The following PTCHD4 variants were observed in gnomAD, a reference collection of about 807,000 sequenced individuals.
PTCHD4 encodes the protein patched domain containing 4, also known as patched domain-containing protein 4.
Under a neutral mutation model 58.1 loss-of-function variants are expected in PTCHD4, and 33 were observed. That is an observed-to-expected ratio of 0.57 (90% CI 0.43 to 0.76). The LOEUF (loss-of-function observed/expected upper bound fraction) is 0.76. Ranked by LOEUF, PTCHD4 falls within the 30% of genes least tolerant of loss-of-function variation. The pLI is 0.00. For missense variants in PTCHD4, 1,058 were observed against 1,027.1 expected (o/e 1.03, Z -0.41); for synonymous variants, 478 against 409.6 (o/e 1.17, Z -2.02).
At chr6:48,040,727 T>C (rs1462193227) in intron 3 of PTCHD4, among the ~76,000 whole-genome samples, 1 of 152,096 alleles carries the variant, frequency 6.6e-6, no homozygotes, top group Non-Finnish European at 1.5e-5. Flanking sequence ...ATGGATACTA[T>C]TAGTATTCAC....
rs1763814803 is a variant in PTCHD4, at chr6:47,875,135, A to G, written c.*3168T>C. Among the ~76,000 whole-genome samples, 1 of 151,928 alleles carries G rather than the reference A, an allele frequency of 6.6e-6. No homozygotes were observed. Among genetic ancestry groups the G allele is most frequent in the Non-Finnish European group, 1.5e-5 (1 of 67,904 alleles). The stretch of plus-strand genomic sequence containing the variant: ...TTAAGGGCATATATGTTTCAATTAA[A>G]TAAAATATTACACAAAGCTAACATA... On this transcript the variant is annotated 3_prime_UTR_variant, in exon 5 of 5. Transcript: ENST00000339488.
At chr6:47,960,158 A>C (rs567799629) in intron 4 of PTCHD4, among the ~76,000 whole-genome samples, 1 of 152,280 alleles carries the variant, frequency 6.6e-6, no homozygotes, top group South Asian at 2.1e-4. Flanking sequence ...AGACTGATAA[A>C]GAGTTATGCT....
intron 3 of PTCHD4, among the ~76,000 whole-genome samples, chr6:48,023,053 T>C (rs1023371027): frequency 6.6e-6 from 1 of 152,140 alleles, no homozygotes; most frequent in African/African-American, 2.4e-5. Flanking sequence ...AGCAAGGAAA[T>C]AAGTCAGCAG....
At chr6:47,937,652 G>GT (rs538274554) in intron 4 of PTCHD4, among the ~76,000 whole-genome samples, 2 of 152,162 alleles carry the variant, frequency 1.3e-5, no homozygotes, top group Non-Finnish European at 2.9e-5. Flanking sequence ...TACCTTTGGA[G>GT]TTGTCAGCAT....
chr6:48,061,394 C>T (rs529026487), intron 3 of PTCHD4, among the ~76,000 whole-genome samples: 75 of 152,276 alleles, frequency 4.9e-4, no homozygotes, highest in African/African-American at 1.6e-3. Context: ...TCCATGATAA[C>T]ACCATGATAA....
At chr6:47,927,758 T>A (rs372676629) in intron 4 of PTCHD4, among the ~76,000 whole-genome samples, 70 of 151,896 alleles carry the variant, frequency 4.6e-4, no homozygotes, top group East Asian at 1.4e-3. Flanking sequence ...GTCAATGGTT[T>A]TTTATTTATT....
At chr6:48,088,013 T>A (rs773058677) in intron 1 of PTCHD4, among the ~76,000 whole-genome samples, 11 of 152,126 alleles carry the variant, frequency 7.2e-5, no homozygotes, top group Non-Finnish European at 1.5e-4. Context: ...TTGGCTGCAG[T>A]AAAGTAAGAC....
chr6:48,069,032 G>A lies in PTCHD4; in HGVS notation c.-75C>T, dbSNP rs1323431169. Among the ~76,000 whole-genome samples the A allele has an allele frequency of 6.6e-6, 1 of 150,472 alleles. No individual in the cohort carries two copies. Among genetic ancestry groups the A allele is most frequent in the Non-Finnish European group, 1.5e-5 (1 of 67,646 alleles). ...GGCCTCCCTCGCTGGAGGTGGTTCCGTGTGGAGCGTCCCACAGATGTGGAT... is the reference window on the plus strand; with the variant it reads ...GGCCTCCCTCGCTGGAGGTGGTTCCATGTGGAGCGTCCCACAGATGTGGAT... On this transcript the variant is annotated 5_prime_UTR_variant, in exon 2 of 5. The change creates a new upstream start codon in the 5' untranslated region. Transcript: ENST00000339488.
intron 4 of PTCHD4, among the ~76,000 whole-genome samples, chr6:47,972,872 G>C (rs1009591164): frequency 2.6e-5 from 4 of 152,016 alleles, no homozygotes; most frequent in South Asian, 4.2e-4. Flanking sequence ...TCATATTAAA[G>C]TATCTTTAGA....
rs928230805 is a variant in PTCHD4, at chr6:47,876,217, G to C, written c.*2086C>G. ...AGTACAGCAGTTCATGAGGCAAAAG[G>C]CTAGGAGTATTTGTGACATGACTTT... On this transcript the variant is annotated 3_prime_UTR_variant, in exon 5 of 5. Coordinates refer to ENST00000339488, the MANE Select transcript of PTCHD4 (RefSeq NM_001384253.1). Among the ~76,000 whole-genome samples, 1 of 151,720 alleles carries C rather than the reference G, an allele frequency of 6.6e-6. No individual in the cohort carries two copies. Among genetic ancestry groups the C allele is most frequent in the African/African-American group, 2.4e-5 (1 of 41,344 alleles).
intron 4 of PTCHD4, among the ~76,000 whole-genome samples, chr6:47,957,071 A>G (rs1000644114): frequency 6.6e-6 from 1 of 151,732 alleles, no homozygotes; most frequent in Non-Finnish European, 1.5e-5. Context: ...AGGCTGAGGC[A>G]TGAGAATCAC....
At chr6:47,923,796 T>C (rs1765506626) in intron 4 of PTCHD4, among the ~76,000 whole-genome samples, 1 of 152,212 alleles carries the variant, frequency 6.6e-6, no homozygotes, top group Non-Finnish European at 1.5e-5. Flanking sequence ...AATGCTTAGT[T>C]GCATAGGTTA....
intron 4 of PTCHD4, among the ~76,000 whole-genome samples, chr6:47,940,948 A>G (rs1286006874): frequency 6.6e-6 from 1 of 152,116 alleles, no homozygotes; most frequent in Non-Finnish European, 1.5e-5. Flanking sequence ...GCAGATAACT[A>G]ATAAATCTTG....
chr6:47,880,205 G>A (rs1450540625), intron 4 of PTCHD4, among the ~76,000 whole-genome samples: 1 of 152,070 alleles, frequency 6.6e-6, no homozygotes, highest in Non-Finnish European at 1.5e-5. Context: ...TAAATATAAT[G>A]TTACGTTATT....
At chr6:48,089,589 T>A (rs1376462406) in intron 1 of PTCHD4, among the ~76,000 whole-genome samples, 1 of 152,244 alleles carries the variant, frequency 6.6e-6, no homozygotes, top group Admixed American at 6.5e-5. Flanking sequence ...TTTTAACCTT[T>A]ATTGACCCGT....
intron 4 of PTCHD4, among the ~76,000 whole-genome samples, chr6:47,904,506 C>T (rs1365770685): frequency 6.6e-6 from 1 of 152,200 alleles, no homozygotes; most frequent in Admixed American, 6.5e-5. Context: ...TATTTAGTAT[C>T]TGGCTCTTCA....
chr6:48,069,947 G>A (rs945742058), intron 1 of PTCHD4, among the ~76,000 whole-genome samples, 21 bp from the exon 2 acceptor site: 6 of 151,996 alleles, frequency 3.9e-5, no homozygotes, highest in South Asian at 2.1e-4. Flanking sequence ...AGAGAGTCGG[G>A]TGGGTAGAGG....
intron 4 of PTCHD4, among the ~76,000 whole-genome samples, chr6:47,921,060 A>G: frequency 6.6e-6 from 1 of 152,184 alleles, no homozygotes; most frequent in East Asian, 1.9e-4. Flanking sequence ...CAAACAAACA[A>G]ACAAAAAGCA....
At position 47,864,420 on chromosome 6, in the gene PTCHD4, C is replaced by G. The variant is rs966962060; in HGVS notation, c.*13883G>C. ...CCTCTCATTTCTCTTTGCATTTACT[C>G]TCTATGTGTCTGGCACATAGAAGAT... On this transcript the variant is annotated 3_prime_UTR_variant, in exon 5 of 5. Transcript: ENST00000339488. Among the ~76,000 whole-genome samples the G allele has an allele frequency of 3.3e-5, 5 of 151,904 alleles. No individual in the cohort carries two copies. Among genetic ancestry groups the G allele is most frequent in the African/African-American group, 9.7e-5 (4 of 41,398 alleles).
Sources: allele counts gnomAD v4.1 joint callset (sites outside exome capture counted in the v4.1 genomes callset), GRCh38; gene constraint gnomAD v4.1.1; transcripts MANE v1.5; gene names NCBI Gene and HGNC (gene_info 2026-07-23, HGNC 2026-07-21).